Variants in XKR4 observed in about 807,000 individuals in gnomAD.
XKR4 encodes XK-related protein 4.
XKR4 carries 12 observed loss-of-function variants against 53.9 expected under a neutral mutation model. The observed-to-expected ratio is 0.22, with a 90% confidence interval of 0.14 to 0.36. XKR4 has a LOEUF of 0.36. Ranked by LOEUF, XKR4 falls within the 10% of genes least tolerant of loss-of-function variation. The pLI, the probability that XKR4 is intolerant of heterozygous loss-of-function variation, is 1.00. For synonymous variants in XKR4, 354 were observed against 362.4 expected (o/e 0.98, Z 0.26); for missense variants, 799 against 859.5 (o/e 0.93, Z 0.88).
chr8:55,463,355 C>G (rs62517386), intron 2 of XKR4, among the ~76,000 whole-genome samples: 2 of 151,652 alleles, frequency 1.3e-5, no homozygotes, highest in Non-Finnish European at 2.9e-5. Context: ...GGAAACTGAA[C>G]AACCTGCTCC....
In XKR4 at chr8:55,102,285, A is replaced by T; in HGVS notation, c.-204A>T. On this transcript the variant is annotated 5_prime_UTR_variant, in exon 1 of 3. Transcript: ENST00000327381. This position sits in a 1 kb window ranked among gnomAD's most constrained non-coding sequence, Gnocchi z 5.1. ...GCCAGGCGGCGCTCCTGCCGGCCCC[A>T]GGCGCGCCGCTAGCCCGGCCCAGCG... 1.7e-6 allele frequency: 1 copy of T among 605,386 alleles called. No individual in the cohort carries two copies. Among genetic ancestry groups the T allele is most frequent in the Non-Finnish European group, 2.1e-6 (1 of 485,744 alleles). 37.5% of individuals were successfully genotyped at this position (605,386 alleles called of 1,614,324 possible).
intron 2 of XKR4, among the ~76,000 whole-genome samples, chr8:55,416,110 G>C (rs954459707): frequency 4.6e-5 from 7 of 152,146 alleles, no homozygotes; most frequent in Non-Finnish European, 1.0e-4. Flanking sequence ...CTGGTCTGGA[G>C]CCCTGAAAGT....
At chr8:55,442,461 C>A (rs760457065) in intron 2 of XKR4, among the ~76,000 whole-genome samples, 1 of 152,284 alleles carries the variant, frequency 6.6e-6, no homozygotes, top group African/African-American at 2.4e-5. Flanking sequence ...AGGCACCACA[C>A]GAGCCAGCAA....
At chr8:55,289,528 GA>G (rs2129375077) in intron 1 of XKR4, among the ~76,000 whole-genome samples, 1 of 91,866 alleles carries the variant, frequency 1.1e-5, no homozygotes. Flanking sequence ...AAAAAAAAAA[GA>G]AAAGAAAGAA....
At chr8:55,445,221 C>T (rs974552072) in intron 2 of XKR4, among the ~76,000 whole-genome samples, 1 of 152,032 alleles carries the variant, frequency 6.6e-6, no homozygotes, top group Non-Finnish European at 1.5e-5. Context: ...CCACACCTGG[C>T]TAATTTTTTG....
intron 1 of XKR4, among the ~76,000 whole-genome samples, chr8:55,203,351 C>T (rs1817601480): frequency 6.6e-6 from 1 of 152,294 alleles, no homozygotes; most frequent in Admixed American, 6.5e-5. Context: ...GGCACGAAGA[C>T]GACATGGCAC....
intron 1 of XKR4, among the ~76,000 whole-genome samples, chr8:55,139,362 T>C (rs1310844084): frequency 6.6e-6 from 1 of 152,022 alleles, no homozygotes. Context: ...GGTAAAACCC[T>C]ATCTCTACTA....
At chr8:55,219,986 G>A (rs1346798540) in intron 1 of XKR4, among the ~76,000 whole-genome samples, 1 of 151,996 alleles carries the variant, frequency 6.6e-6, no homozygotes, top group African/African-American at 2.4e-5. Context: ...ATAAGATTTC[G>A]TGATCTATTG....
chr8:55,342,171 G>A (rs989274022), intron 1 of XKR4, among the ~76,000 whole-genome samples: 5 of 151,956 alleles, frequency 3.3e-5, no homozygotes, highest in Non-Finnish European at 7.4e-5. Context: ...CAAACATCTT[G>A]GAGTCAGCAT....
At chr8:55,344,949 C>G (rs1803613297) in intron 1 of XKR4, among the ~76,000 whole-genome samples, 1 of 152,044 alleles carries the variant, frequency 6.6e-6, no homozygotes, top group Non-Finnish European at 1.5e-5. Context: ...ATCTTGTTTT[C>G]ACATAATAAT....
chr8:55,226,227 T>C (rs1368545289), intron 1 of XKR4, among the ~76,000 whole-genome samples: 2 of 152,102 alleles, frequency 1.3e-5, no homozygotes, highest in Non-Finnish European at 2.9e-5. Flanking sequence ...AAACAGGAAA[T>C]GCCGGAAATG....
chr8:55,120,323 T>A (rs1393724207), intron 1 of XKR4, among the ~76,000 whole-genome samples: 4 of 152,156 alleles, frequency 2.6e-5, no homozygotes, highest in African/African-American at 7.2e-5. Flanking sequence ...TAAGTAGGGC[T>A]TACCTTTCTT....
At chr8:55,458,579 T>C (rs1805604858) in intron 2 of XKR4, among the ~76,000 whole-genome samples, 1 of 152,202 alleles carries the variant, frequency 6.6e-6, no homozygotes, top group Admixed American at 6.5e-5. Flanking sequence ...TGAAGGATGG[T>C]AAATGCAGAA....
At chr8:55,231,348 A>T (rs2129366918) in intron 1 of XKR4, among the ~76,000 whole-genome samples, 1 of 152,348 alleles carries the variant, frequency 6.6e-6, no homozygotes, top group East Asian at 1.9e-4. Context: ...TTTCATACAT[A>T]TTGCTTTAGT....
chr8:55,277,988 G>A (rs1818787417), intron 1 of XKR4, among the ~76,000 whole-genome samples: 1 of 152,166 alleles, frequency 6.6e-6, no homozygotes, highest in Admixed American at 6.5e-5. Flanking sequence ...TATTAATGCA[G>A]GAGTCCTAAG....
At chr8:55,266,205 G>A (rs1377613839) in intron 1 of XKR4, among the ~76,000 whole-genome samples, 1 of 151,538 alleles carries the variant, frequency 6.6e-6, no homozygotes, top group Non-Finnish European at 1.5e-5. Flanking sequence ...GTGTGATGGG[G>A]CAACATGGGA....
At chr8:55,279,861 C>A (rs1316194367) in intron 1 of XKR4, among the ~76,000 whole-genome samples, 1 of 152,192 alleles carries the variant, frequency 6.6e-6, no homozygotes, top group Non-Finnish European at 1.5e-5. Context: ...TAGATGTGAA[C>A]AGCTGTGCTT....
intron 2 of XKR4, among the ~76,000 whole-genome samples, chr8:55,464,599 T>C (rs1365047780): frequency 5.3e-5 from 8 of 152,266 alleles, no homozygotes; most frequent in Admixed American, 1.3e-4. Context: ...CCTCTCTCAC[T>C]ACTCCTATTC....
chr8:55,186,465 C>G lies in XKR4; in HGVS notation c.806+83171C>G, dbSNP rs570137056. Among the ~76,000 whole-genome samples the G allele has an allele frequency of 1.8e-4, 28 of 152,080 alleles. No individual in the cohort carries two copies. The South Asian group carries it at 5.2e-3, about 28-fold the overall frequency. On this transcript the variant is annotated intron_variant, in intron 1 of 2. Coordinates refer to ENST00000327381, the MANE Select transcript of XKR4 (RefSeq NM_052898.2). ...GGTCAGGAGATCGAGACCATCCTGGCTAACATGGTGAAACCCCGTCTCTAC... is the reference window on the plus strand; with the variant it reads ...GGTCAGGAGATCGAGACCATCCTGGGTAACATGGTGAAACCCCGTCTCTAC...
Sources: allele counts gnomAD v4.1 joint callset (sites outside exome capture counted in the v4.1 genomes callset), GRCh38; gene constraint gnomAD v4.1.1; non-coding constraint Gnocchi (gnomAD v3.1); transcripts MANE v1.5; gene names NCBI Gene and HGNC (gene_info 2026-07-23, HGNC 2026-07-21).